RBM23: variants seen among roughly 807,000 people sequenced by gnomAD.
RBM23 encodes the protein probable RNA-binding protein 23.
A neutral mutation model predicts 56.2 loss-of-function variants in RBM23; 53 were observed. That is an observed-to-expected ratio of 0.94 (90% CI 0.76 to 1.19). The LOEUF (loss-of-function observed/expected upper bound fraction) is 1.19. Ranked by LOEUF, RBM23 falls within the 50% of genes most tolerant of loss-of-function variation. RBM23 has a pLI of 0.00. For missense variants in RBM23, 642 were observed against 590.3 expected (o/e 1.09, Z -0.91); for synonymous variants, 197 against 198.5 (o/e 0.99, Z 0.06).
At position 22,905,423 on chromosome 14, in the gene RBM23, C is replaced by A. The variant is rs754688239; in HGVS notation, c.486G>T (p.Glu162Asp). The change falls in exon 7 of 14, where the codon GAG becomes GAT. Residue 162 changes from glutamate (E) to aspartate (D), a missense_variant. By Grantham distance (45) the Glu-to-Asp change is conservative. Coordinates refer to ENST00000359890, the MANE Select transcript of RBM23 (RefSeq NM_001077351.2). ...TACAGAAAACTGTGCGGGCATCACGCTCCTCAGGACTCAGATTATCAACTG... is the reference window on the plus strand; with the variant it reads ...TACAGAAAACTGTGCGGGCATCACGATCCTCAGGACTCAGATTATCAACTG... ...REPVDNLSPE[E>D]RDARTVFCMQ... 2 of 1,614,196 alleles carry A rather than the reference C, an allele frequency of 1.2e-6. No individual in the cohort carries two copies. The highest frequency in any genetic ancestry group is 1.7e-6 in the Non-Finnish European group (2 of 1,180,038).
chr14:22,898,144 G>C lies in RBM23; in HGVS notation c.*3586C>G, dbSNP rs2040277904. 6.6e-6 allele frequency: 1 copy of C among 152,140 alleles called. No homozygotes were observed. Among genetic ancestry groups the C allele is most frequent in the Admixed American group, 6.6e-5 (1 of 15,264 alleles). The allele number at this position is 152,140 out of a possible 1,614,324, so 9.4% of individuals were successfully genotyped here. ...TCAATTCCCTTCATGATATGCTCCA[G>C]GACTAAAAGTTCACAGGTCAAGCCT... On this transcript the variant is annotated 3_prime_UTR_variant, in exon 14 of 14. Coordinates refer to ENST00000359890, the MANE Select transcript of RBM23 (RefSeq NM_001077351.2).
chr14:22,901,565 A>C lies in RBM23; in HGVS notation c.*165T>G, dbSNP rs2040486228. 9.1e-6 allele frequency: 9 copies of C among 992,238 alleles called. No individual in the cohort carries two copies. In the South Asian group the frequency reaches 1.4e-4, roughly 16 times the overall value. 61.5% of individuals were successfully genotyped at this position (992,238 alleles called of 1,614,324 possible). ...GTCCATTTCCAGTGGGACCATGGGCAGGAGCTTTTCTTGGTATCTTAAGGG... is the reference window on the plus strand; with the variant it reads ...GTCCATTTCCAGTGGGACCATGGGCCGGAGCTTTTCTTGGTATCTTAAGGG... On this transcript the variant is annotated 3_prime_UTR_variant, in exon 14 of 14. Transcript: ENST00000359890.
At position 22,896,102 on chromosome 14, in the gene RBM23, T is replaced by C. The variant is rs953928419; in HGVS notation, c.*5628A>G. 5.3e-5 allele frequency: 8 copies of C among 152,120 alleles called. No homozygotes were observed. Among genetic ancestry groups the C allele is most frequent in the African/African-American group, 1.9e-4 (8 of 41,404 alleles). 9.4% of individuals were successfully genotyped at this position (152,120 alleles called of 1,614,324 possible). On this transcript the variant is annotated 3_prime_UTR_variant, in exon 14 of 14. Coordinates refer to ENST00000359890, the MANE Select transcript of RBM23 (RefSeq NM_001077351.2). ...TCCCCATAAACCTTGAGCTCTAAAGTTGGGGAGAATGAAGTCAGCTAGAAA... is the reference window on the plus strand; with the variant it reads ...TCCCCATAAACCTTGAGCTCTAAAGCTGGGGAGAATGAAGTCAGCTAGAAA...
intron 9 of RBM23, 69 bp downstream of exon 9, chr14:22,904,806 G>A: frequency 6.3e-7 from 1 of 1,597,406 alleles, no homozygotes; most frequent in Non-Finnish European, 8.6e-7. Flanking sequence ...CAACAGAGAA[G>A]TACACTCAAA....
At chr14:22,913,275 G>T (rs150908453) in intron 1 of RBM23, among the ~76,000 whole-genome samples, 4 of 151,408 alleles carry the variant, frequency 2.6e-5, no homozygotes, top group Admixed American at 2.6e-4. Context: ...TTAGCCGGGC[G>T]TGGTGGCGGG....
intron 1 of RBM23, among the ~76,000 whole-genome samples, chr14:22,914,491 A>G (rs1408062575): frequency 6.6e-6 from 1 of 152,056 alleles, no homozygotes; most frequent in Non-Finnish European, 1.5e-5. Flanking sequence ...GACTGTCTCA[A>G]AAATACAAAA....
Position 22,905,029 on chromosome 14 carries a change from T to A in RBM23, c.727-17A>T. The A allele has an allele frequency of 6.2e-7, 1 of 1,614,122 alleles. No homozygotes were observed. The highest frequency in any genetic ancestry group is 8.5e-7 in the Non-Finnish European group (1 of 1,180,014). On this transcript the variant is annotated splice_polypyrimidine_tract_variant and intron_variant, in intron 8 of 13. Transcript: ENST00000359890. ...TTTCTCTGCCTGGGGAAGGAGGAAATGATGGGTCATGTCCCACATTCCCTC... is the reference window on the plus strand; with the variant it reads ...TTTCTCTGCCTGGGGAAGGAGGAAAAGATGGGTCATGTCCCACATTCCCTC...
intron 3 of RBM23, among the ~76,000 whole-genome samples, chr14:22,909,066 C>T (rs1018612250): frequency 6.6e-6 from 1 of 152,088 alleles, no homozygotes. Flanking sequence ...CCTCAGCCTC[C>T]TGAGTAGCTG....
At position 22,905,357 on chromosome 14, in the gene RBM23, G is replaced by C. The variant is rs781621411; in HGVS notation, c.552C>G (p.Asp184Glu). The C allele has an allele frequency of 2.5e-6, 4 of 1,614,100 alleles. No individual in the cohort carries two copies. The South Asian group carries it at 4.4e-5, about 18-fold the overall frequency. ...AARIRPRDLE[D>E]FFSAVGKVRD... is the part of the protein sequence containing the mutation. ...TTACCTTGCCTACAGCAGAGAAAAA[G>C]TCCTCCAGATCTCGAGGCCGAATTC... The change falls in exon 7 of 14, where the codon GAC becomes GAG. Residue 184 changes from aspartate to glutamate, a missense_variant. Physicochemically the swap from Asp to Glu is conservative, Grantham distance 45 (BLOSUM62 2). Coordinates refer to ENST00000359890, the MANE Select transcript of RBM23 (RefSeq NM_001077351.2).
At chr14:22,905,729 A>G in intron 5 of RBM23, 70 bp from the exon 6 acceptor site, 1 of 1,195,346 alleles carries the variant, frequency 8.4e-7, no homozygotes, top group Non-Finnish European at 1.2e-6. Context: ...TTCCATGGTG[A>G]GAAAACCAGA....
In RBM23 at chr14:22,902,946, TTTA is replaced by T. The variant is rs1178439062; in HGVS notation, c.931-567_931-565del. 4.4e-6 allele frequency: 3 copies of T among 676,076 alleles called. No individual in the cohort carries two copies. The African/African-American group carries it at 5.9e-5, about 13-fold the overall frequency. 41.9% of individuals were successfully genotyped at this position (676,076 alleles called of 1,614,324 possible). On this transcript the variant is annotated intron_variant, in intron 10 of 13. Coordinates refer to ENST00000359890, the MANE Select transcript of RBM23 (RefSeq NM_001077351.2). ...CCCACCACCATGCCCAGCTAGTTTT[TTTA>T]TTTTTATTTTTTAGTAGAGATGGGG...
At chr14:22,908,577 A>G in intron 3 of RBM23, 197 bp from the exon 4 acceptor site, 1 of 529,314 alleles carries the variant, frequency 1.9e-6, no homozygotes, top group Non-Finnish European at 3.2e-6. Context: ...TATTTTTAGT[A>G]GAGACAAGGT....
In RBM23 at chr14:22,908,371, C is replaced by A. The variant is rs755964563; in HGVS notation, c.189G>T (p.Arg63Ser). The A allele has an allele frequency of 7.1e-6, 11 of 1,548,694 alleles. No individual in the cohort carries two copies. Among genetic ancestry groups the A allele is most frequent in the East Asian group, 4.9e-5 (2 of 40,922 alleles). The change falls in exon 4 of 14, where the codon AGG (arginine) becomes AGT (serine). Residue 63 changes from arginine (R) to serine (S), a missense_variant. By Grantham distance (110) the Arg-to-Ser change is moderately radical. Transcript: ENST00000359890. ...STIGETSKKK[R>S]SRSHNKSRDR... The stretch of plus-strand genomic sequence containing the variant: ...CCCTGCTTTTATTATGGCTCCGACT[C>A]CTCTTCTTCCTGTGAAAGAGAGTAC...
intron 10 of RBM23, chr14:22,903,462 T>C: frequency 1.0e-6 from 1 of 985,536 alleles, no homozygotes; most frequent in South Asian, 4.7e-5. Context: ...TTTAGCTAGC[T>C]AGCAGCATTA....
chr14:22,918,455 T>C (rs1186833472), intron 1 of RBM23, among the ~76,000 whole-genome samples: 1 of 151,962 alleles, frequency 6.6e-6, no homozygotes, highest in Non-Finnish European at 1.5e-5. Flanking sequence ...CGGGAGCCAG[T>C]GTCCCAGGGC....
rs2040235580 is a variant in RBM23, at chr14:22,895,580, G to A, written c.*6150C>T. ...AAGGAGGGAGGATCACTTAAGCCCAGGAGTTCAAGACCACCTGGGCAACAT... is the reference window on the plus strand; with the variant it reads ...AAGGAGGGAGGATCACTTAAGCCCAAGAGTTCAAGACCACCTGGGCAACAT... On this transcript the variant is annotated 3_prime_UTR_variant, in exon 14 of 14. Transcript: ENST00000359890. 1 of 152,238 alleles carries A rather than the reference G, an allele frequency of 6.6e-6. No individual in the cohort carries two copies. Among genetic ancestry groups the A allele is most frequent in the African/African-American group, 2.4e-5 (1 of 41,340 alleles). 9.4% of individuals were successfully genotyped at this position (152,238 alleles called of 1,614,324 possible).
At chr14:22,908,807 G>C (rs998036344) in intron 3 of RBM23, 1 of 162,692 alleles carries the variant, frequency 6.1e-6, no homozygotes, top group Non-Finnish European at 1.3e-5. Flanking sequence ...CCAAAGACCC[G>C]AAGATGATCC....
rs763554643 is a variant in RBM23 at position 22,906,379 on chromosome 14, AAAC to A, written c.228-14_228-12del. On this transcript the variant is annotated splice_polypyrimidine_tract_variant and intron_variant, in intron 4 of 13. Coordinates refer to ENST00000359890, the MANE Select transcript of RBM23 (RefSeq NM_001077351.2). ...CGATCTCGACTACGACTACAGAGGG[AAAC>A]AACTACAGTCATGCCCACATCATGT... 5.6e-6 allele frequency: 9 copies of A among 1,613,738 alleles called. No homozygotes were observed. Among genetic ancestry groups the A allele is most frequent in the East Asian group, 2.2e-5 (1 of 44,878 alleles).
intron 12 of RBM23, 48 bp downstream of exon 12, chr14:22,901,932 C>G: frequency 3.7e-6 from 6 of 1,613,042 alleles, no homozygotes; most frequent in Non-Finnish European, 5.1e-6. Context: ...CGCACTCCTT[C>G]TTTCCAGACC....
Sources: gnomAD v4.1 joint callset for allele counts (sites outside exome capture counted in the v4.1 genomes callset) on GRCh38, gnomAD v4.1.1 for gene constraint, MANE v1.5 for transcripts, NCBI Gene and HGNC (gene_info 2026-07-23, HGNC 2026-07-21) for gene names.